ACTN4: variants seen among roughly 807,000 people sequenced by gnomAD.
ACTN4 encodes alpha-actinin-4.
A neutral mutation model predicts 114.2 loss-of-function variants in ACTN4; 18 were observed. That is an observed-to-expected ratio of 0.16 (90% confidence interval 0.11 to 0.23). The LOEUF (loss-of-function observed/expected upper bound fraction) is 0.23. Among genes scored for constraint, ACTN4 ranks in the 10% least tolerant of loss-of-function variants. ACTN4 has a pLI of 1.00. For missense variants in ACTN4, 722 were observed against 1,262.9 expected, an observed-to-expected ratio of 0.57 and a Z score of 6.49; for synonymous variants, 515 against 506.3, an observed-to-expected ratio of 1.02 and a Z score of -0.23.
Position 38,659,065 on chromosome 19 carries a change from C to CTTTTCTTTTT in ACTN4, c.162+11162_162+11163insCTTTTTTTTT, listed in dbSNP as rs1555822759. 9.9e-4 allele frequency among the ~76,000 whole-genome samples: 111 copies of CTTTTCTTTTT among 111,686 alleles called. 3 individuals carry two copies. Among genetic ancestry groups the CTTTTCTTTTT allele is most frequent in the African/African-American group, 2.9e-3 (88 of 30,778 alleles). 73.3% of individuals were successfully genotyped at this position (111,686 alleles called of 152,430 possible). The stretch of plus-strand genomic sequence containing the variant: ...TAACTTTTTTTTCTTCTTTTCTTTT[C>CTTTTCTTTTT]TTTTTTTTTTTTTGAGACGGAGTCT... On this transcript the variant is annotated intron_variant, in intron 1 of 20. Coordinates refer to ENST00000252699, the MANE Select transcript of ACTN4 (RefSeq NM_004924.6).
chr19:38,700,610 C>T lies in ACTN4; in HGVS notation c.173C>T (p.Ala58Val). Residue 58 changes from alanine to valine, a missense_variant, in exon 2 of 21, where the codon GCA becomes GTA. Around this residue, in one of 3 missense-constraint regions of ACTN4, gnomAD observed 127 missense variants for 311.3 expected, o/e 0.41. Coordinates refer to ENST00000252699, the MANE Select transcript of ACTN4 (RefSeq NM_004924.6). ...GTTCTGCTTCCCCAGACCTTCACGG[C>T]ATGGTGCAACTCCCACCTGCGGAAG... is the stretch of plus-strand genomic sequence containing the variant. ...WEKQQRKTFT[A>V]WCNSHLRKAG... 3 of 1,614,004 alleles carry T rather than the reference C, an allele frequency of 1.9e-6. No individual in the cohort carries two copies. The highest frequency in any genetic ancestry group is 2.5e-6 in the Non-Finnish European group (3 of 1,179,842).
At chr19:38,674,026 C>G (rs1053965086) in intron 1 of ACTN4, among the ~76,000 whole-genome samples, 1 of 151,666 alleles carries the variant, frequency 6.6e-6, no homozygotes, top group Admixed American at 6.6e-5. Flanking sequence ...GTGATCTACC[C>G]GCCTCGGCCT....
At chr19:38,709,342 T>A in intron 6 of ACTN4, 53 bp from the exon 7 acceptor site, 3 of 1,396,558 alleles carry the variant, frequency 2.1e-6, no homozygotes, top group Non-Finnish European at 3.1e-6. Context: ...TCCCTCCTGC[T>A]CCTGCACCCT....
Position 38,727,429 on chromosome 19 carries a change from C to T in ACTN4, c.2337+326C>T, listed in dbSNP as rs1027125716. Among the ~76,000 whole-genome samples, 2 of 152,148 alleles carry T rather than the reference C, an allele frequency of 1.3e-5. No homozygotes were observed. The highest frequency in any genetic ancestry group is 6.5e-5 in the Admixed American group (1 of 15,284). The stretch of plus-strand genomic sequence containing the variant: ...TCTGTGAACCTGGACACAGACACCC[C>T]GCACAGTGCTTTTAGAATTCAGATT... On this transcript the variant is annotated intron_variant, in intron 18 of 20. Transcript: ENST00000252699. The surrounding 1 kb of genome is among the most constrained non-coding windows in gnomAD (Gnocchi z 5.4).
chr19:38,693,261 C>T (rs746434984), intron 1 of ACTN4, among the ~76,000 whole-genome samples: 20 of 152,156 alleles, frequency 1.3e-4, no homozygotes, highest in Non-Finnish European at 2.5e-4. Flanking sequence ...AGTGCAGAGC[C>T]GGCATGCTCA....
At chr19:38,672,974 A>C (rs1599778706) in intron 1 of ACTN4, among the ~76,000 whole-genome samples, 4 of 125,428 alleles carry the variant, frequency 3.2e-5, no homozygotes, top group East Asian at 2.4e-4. Context: ...AGACAGTCTC[A>C]CTCTGTCTCC....
At chr19:38,695,798 A>C (rs1031261363) in intron 1 of ACTN4, among the ~76,000 whole-genome samples, 5 of 152,134 alleles carry the variant, frequency 3.3e-5, no homozygotes, top group Non-Finnish European at 5.9e-5. Flanking sequence ...GACTTCTTCA[A>C]GGACACCTTT....
chr19:38,658,264 A>AGAGT (rs1976770175), intron 1 of ACTN4, among the ~76,000 whole-genome samples: 1 of 152,206 alleles, frequency 6.6e-6, no homozygotes, highest in African/African-American at 2.4e-5. Flanking sequence ...GTAGCCTAGA[A>AGAGT]GAGTGCTTTT....
At chr19:38,662,137 G>A (rs1042023728) in intron 1 of ACTN4, among the ~76,000 whole-genome samples, 2 of 152,162 alleles carry the variant, frequency 1.3e-5, no homozygotes, top group African/African-American at 2.4e-5. Flanking sequence ...TACCTCACTG[G>A]AAACCAGTCC....
chr19:38,647,770 C>G lies in ACTN4; in HGVS notation c.25C>G (p.Gln9Glu), dbSNP rs764029233. ...AATGGTGGACTACCACGCGGCGAAC[C>G]AGTCGTACCAGTACGGCCCCAGCAG... is the stretch of plus-strand genomic sequence containing the variant. MVDYHAANQSYQYGPSSAG... is the reference protein window; with the variant it reads MVDYHAANESYQYGPSSAG... The change falls in exon 1 of 21, where the codon CAG becomes GAG. Residue 9 changes from glutamine (Q) to glutamate (E), a missense_variant. This residue lies in a region of ACTN4 where 72 missense variants were observed against 75.6 expected (regional missense o/e 0.95). Coordinates refer to ENST00000252699, the MANE Select transcript of ACTN4 (RefSeq NM_004924.6). The G allele has an allele frequency of 5.2e-6, 8 of 1,552,628 alleles. No individual in the cohort carries two copies. Among genetic ancestry groups the G allele is most frequent in the Non-Finnish European group, 8.7e-7 (1 of 1,151,254 alleles).
At chr19:38,679,735 A>T (rs562019701) in intron 1 of ACTN4, among the ~76,000 whole-genome samples, 2 of 151,950 alleles carry the variant, frequency 1.3e-5, no homozygotes, top group Non-Finnish European at 2.9e-5. Flanking sequence ...GCCTCAAGCG[A>T]TTCTGCCACC....
chr19:38,729,887 C>A lies in ACTN4; in HGVS notation c.*455C>A, dbSNP rs1969423534. Reference sequence around the variant, plus strand: ...GGGCCAGCAGAGGGCGCCACCACCACCTGACGGCTGGGGACCCACCCAGCC... The same window carrying A: ...GGGCCAGCAGAGGGCGCCACCACCAACTGACGGCTGGGGACCCACCCAGCC... On this transcript the variant is annotated 3_prime_UTR_variant, in exon 21 of 21. Transcript: ENST00000252699. 1 of 357,454 alleles carries A rather than the reference C, an allele frequency of 2.8e-6. No homozygotes were observed. Among genetic ancestry groups the A allele is most frequent in the African/African-American group, 2.1e-5 (1 of 46,854 alleles). 22.1% of individuals were successfully genotyped at this position (357,454 alleles called of 1,614,324 possible).
At chr19:38,673,681 T>A (rs7408886) in intron 1 of ACTN4, among the ~76,000 whole-genome samples, 3 of 96,818 alleles carry the variant, frequency 3.1e-5, no homozygotes, top group Non-Finnish European at 5.8e-5. Context: ...TATTTATATA[T>A]TTATATATAT....
rs754283304 is a variant in ACTN4, at chr19:38,717,391, C to T, written c.1143+75C>T. ...CTAGAACTGCCTGTGGGCAGTTTGG[C>T]CAGCGTAATCTTTCCTAAGTTGTTG... is the stretch of plus-strand genomic sequence containing the variant. On this transcript the variant is annotated intron_variant, in intron 10 of 20. Coordinates refer to ENST00000252699, the MANE Select transcript of ACTN4 (RefSeq NM_004924.6). The surrounding 1 kb of genome is among the most constrained non-coding windows in gnomAD (Gnocchi z 4.0). 26 of 1,539,964 alleles carry T rather than the reference C, an allele frequency of 1.7e-5. No homozygotes were observed. Among genetic ancestry groups the T allele is most frequent in the Non-Finnish European group, 2.2e-5 (25 of 1,137,296 alleles).
Position 38,727,890 on chromosome 19 carries a change from C to A in ACTN4, c.2338-56C>A. On this transcript the variant is annotated intron_variant, in intron 18 of 20. Transcript: ENST00000252699. This position sits in a 1 kb window ranked among gnomAD's most constrained non-coding sequence, Gnocchi z 5.4. ...CCCTCTGCATGTGACCCCGATCCCT[C>A]ATCCTGGTCTCCACGCCGCCCCTCC... 1 of 1,555,476 alleles carries A rather than the reference C, an allele frequency of 6.4e-7. No individual in the cohort carries two copies. The highest frequency in any genetic ancestry group is 1.1e-5 in the South Asian group (1 of 88,386).
Position 38,709,513 on chromosome 19 carries a change from C to T in ACTN4, c.733+37C>T, listed in dbSNP as rs778036163. On this transcript the variant is annotated intron_variant, in intron 7 of 20. Coordinates refer to ENST00000252699, the MANE Select transcript of ACTN4 (RefSeq NM_004924.6). ...CTTCTGTTCAGCCACCACTGTGCTTCCTGATGGCCTTTTCTGTCCAGGGCT... is the reference window on the plus strand; with the variant it reads ...CTTCTGTTCAGCCACCACTGTGCTTTCTGATGGCCTTTTCTGTCCAGGGCT... 26 of 1,576,170 alleles carry T rather than the reference C, an allele frequency of 1.6e-5. No homozygotes were observed. The East Asian group carries it at 4.9e-4, about 30-fold the overall frequency.
rs146493523 is a variant in ACTN4, at chr19:38,729,375, C to T, written c.2679C>T (p.Pro893=). The change falls in exon 21 of 21, where the codon CCC becomes CCT. Residue 893 remains proline (P), a synonymous_variant. Coordinates refer to ENST00000252699, the MANE Select transcript of ACTN4 (RefSeq NM_004924.6). ...CATACCAGGGCCCTGACGCCGTGCC[C>T]GGTGCCCTCGACTACAAGTCCTTCT... ...MAPYQGPDAV[P]GALDYKSFST... The T allele has an allele frequency of 2.3e-4, 374 of 1,612,754 alleles. 2 individuals are homozygous for T. The East Asian group carries it at 5.9e-3, about 25-fold the overall frequency.
At position 38,714,486 on chromosome 19, in the gene ACTN4, C is replaced by T; in HGVS notation, c.837C>T (p.Asn279=). Residue 279 remains asparagine (N), a synonymous_variant, in exon 9 of 21, where the codon AAC becomes AAT. Coordinates refer to ENST00000252699, the MANE Select transcript of ACTN4 (RefSeq NM_004924.6). ...CCCTCCAGGCTGAAACTGCCGCCAA[C>T]CGGATCTGTAAGGTGCTGGCTGTCA... ...SGAQKAETAA[N]RICKVLAVNQ... is the part of the protein sequence containing the mutation. The T allele has an allele frequency of 6.2e-7, 1 of 1,613,786 alleles. No homozygotes were observed.
chr19:38,718,105 G>C (rs1368253405), intron 11 of ACTN4, 31 bp downstream of exon 11: 1 of 1,584,610 alleles, frequency 6.3e-7, no homozygotes, highest in South Asian at 1.1e-5. Context: ...ACTCTGCCCA[G>C]CCCCGCTCCC....
Sources: gnomAD v4.1 joint callset for allele counts (sites outside exome capture counted in the v4.1 genomes callset) on GRCh38, gnomAD v4.1.1 for gene constraint, gnomAD v4.1.1 regional missense constraint, Gnocchi (gnomAD v3.1) non-coding constraint, MANE v1.5 for transcripts, NCBI Gene and HGNC (gene_info 2026-07-23, HGNC 2026-07-21) for gene names.